CCDC171: variants seen among roughly 807,000 people sequenced by gnomAD.
CCDC171 encodes coiled-coil domain containing 171.
In CCDC171, 177 loss-of-function variants were observed where a neutral mutation model predicts 168.2. The ratio of observed to expected loss-of-function variants is 1.05; its 90% confidence interval spans 0.93 to 1.19. The LOEUF (loss-of-function observed/expected upper bound fraction) is 1.19, where lower values mean the gene tolerates loss of function less well. Ranked by LOEUF, CCDC171 falls within the 50% of genes most tolerant of loss-of-function variation. The pLI is 0.00. For synonymous variants in CCDC171, 687 were observed against 540.8 expected (o/e 1.27, Z -3.75); for missense variants, 1,991 against 1,539.0 (o/e 1.29, Z -4.91).
At chr9:15,936,519 T>G (rs1827139161) in intron 25 of CCDC171, among the ~76,000 whole-genome samples, 1 of 151,928 alleles carries the variant, frequency 6.6e-6, no homozygotes, top group African/African-American at 2.4e-5. Flanking sequence ...TTGAGGGGAC[T>G]CAGCAGAGAG....
At chr9:15,708,176 C>A (rs1372416230) in intron 11 of CCDC171, among the ~76,000 whole-genome samples, 1 of 152,204 alleles carries the variant, frequency 6.6e-6, no homozygotes, top group African/African-American at 2.4e-5. Context: ...TTTCTTCGTG[C>A]CTATGTTGTT....
Position 15,729,720 on chromosome 9 carries a change from G to GAGCT in CCDC171, c.1972_1975dup (p.Cys659Ter). 1 of 1,613,460 alleles carries GAGCT rather than the reference G, an allele frequency of 6.2e-7. No individual in the cohort carries two copies. The highest frequency in any genetic ancestry group is 1.3e-5 in the African/African-American group (1 of 74,976). On this transcript the variant is annotated frameshift_variant, in exon 16 of 26. Coordinates refer to ENST00000380701, the MANE Select transcript of CCDC171 (RefSeq NM_173550.4). LOFTEE classifies it high-confidence loss of function. ...TGGCAGAACAGATCAAAGCCCAAGA[G>GAGCT]AGCTGCTGGCACAGACAAAAGAAGG...
rs1831472931 is a variant in CCDC171, at chr9:15,972,775, C to T, written c.*939C>T. 6.6e-6 allele frequency: 1 copy of T among 152,156 alleles called. No individual in the cohort carries two copies. The highest frequency in any genetic ancestry group is 2.4e-5 in the African/African-American group (1 of 41,434). The allele number at this position is 152,156 out of a possible 1,614,324, so 9.4% of individuals were successfully genotyped here. ...AAACAAGGCCATTGCCCTGCATTTTCTGCCTTGTAGCACACAAAAGTAAAA... is the reference window on the plus strand; with the variant it reads ...AAACAAGGCCATTGCCCTGCATTTTTTGCCTTGTAGCACACAAAAGTAAAA... On this transcript the variant is annotated 3_prime_UTR_variant, in exon 26 of 26. Transcript: ENST00000380701.
At position 15,608,900 on chromosome 9, in the gene CCDC171, T is replaced by G. The variant is rs1017588943; in HGVS notation, c.676-14367T>G. ...TTTTGCCTGGGAGGTCAAGGCTGCA[T>G]TGTCCTATGATCACAGCCCGGGCTA... On this transcript the variant is annotated intron_variant, in intron 6 of 25. Transcript: ENST00000380701. Among the ~76,000 whole-genome samples, 177 of 132,806 alleles carry G rather than the reference T, an allele frequency of 1.3e-3. 1 individual carries two copies. The highest frequency in any genetic ancestry group is 4.9e-3 in the African/African-American group (172 of 35,384). The allele number at this position is 132,806 out of a possible 152,430, so 87.1% of individuals were successfully genotyped here. A position where few individuals can be genotyped will look rare whatever the true frequency, so the allele number is the denominator to read the frequency against.
chr9:15,765,356 C>T (rs762809299), intron 18 of CCDC171, among the ~76,000 whole-genome samples: 3 of 151,450 alleles, frequency 2.0e-5, no homozygotes, highest in East Asian at 1.9e-4. Context: ...AATGATTCAA[C>T]GAATGAAAGA....
At chr9:15,593,584 A>G (rs2042142857) in intron 5 of CCDC171, among the ~76,000 whole-genome samples, 1 of 152,084 alleles carries the variant, frequency 6.6e-6, no homozygotes, top group South Asian at 2.1e-4. Flanking sequence ...TGTCAAATTT[A>G]TATATAAATT....
Position 15,555,572 on chromosome 9 carries a change from T to C in CCDC171, c.-112+2270T>C, listed in dbSNP as rs1193297529. Among the ~76,000 whole-genome samples, 3 of 152,306 alleles carry C rather than the reference T, an allele frequency of 2.0e-5. No homozygotes were observed. The East Asian group carries it at 5.8e-4, about 29-fold the overall frequency. ...GGATGAACTGTGTCTTGAGGGCCAA[T>C]AGCAAGGCACACAGCAGAGCTCTGG... is the stretch of plus-strand genomic sequence containing the variant. On this transcript the variant is annotated intron_variant, in intron 1 of 25. Transcript: ENST00000380701.
At chr9:15,903,865 G>A (rs1471237526) in intron 24 of CCDC171, among the ~76,000 whole-genome samples, 1 of 152,108 alleles carries the variant, frequency 6.6e-6, no homozygotes, top group Non-Finnish European at 1.5e-5. Context: ...TGGCACGAGA[G>A]GTACGTGACG....
chr9:15,976,242 A>T (rs893274405), downstream of CCDC171, among the ~76,000 whole-genome samples: 1 of 152,198 alleles, frequency 6.6e-6, no homozygotes, highest in Non-Finnish European at 1.5e-5. Context: ...TAATTTTTTT[A>T]AAAGATTAAT....
Position 16,006,406 on chromosome 9 carries a change from C to A in CCDC171, n.369-14183C>A, listed in dbSNP as rs1832697134. On this transcript the variant is annotated intron_variant and non_coding_transcript_variant, in intron 3 of 9. Transcript: ENST00000486641. ...TATTCGTATATCTTTGAAGAAATGA[C>A]TATGCAGATTCTTTGCCCATTTTCT... Among the ~76,000 whole-genome samples the A allele has an allele frequency of 2.6e-5, 4 of 152,070 alleles. No individual in the cohort carries two copies. The South Asian group carries it at 8.3e-4, about 32-fold the overall frequency.
intron 21 of CCDC171, among the ~76,000 whole-genome samples, chr9:15,836,063 A>T (rs2060434031): frequency 6.6e-6 from 1 of 152,120 alleles, no homozygotes; most frequent in East Asian, 1.9e-4. Flanking sequence ...ATCTTCCCCC[A>T]ATGATCCAAT....
At chr9:15,919,579 A>G (rs897335490) in intron 24 of CCDC171, among the ~76,000 whole-genome samples, 3 of 151,614 alleles carry the variant, frequency 2.0e-5, no homozygotes, top group African/African-American at 7.2e-5. Flanking sequence ...TGGACTTAAA[A>G]TTTATTACAA....
intron 21 of CCDC171, among the ~76,000 whole-genome samples, chr9:15,814,581 A>G (rs1297687621): frequency 6.6e-6 from 1 of 151,958 alleles, no homozygotes; most frequent in African/African-American, 2.4e-5. Flanking sequence ...GGATTGAAAT[A>G]CAATTGTAGC....
intron 18 of CCDC171, among the ~76,000 whole-genome samples, chr9:15,774,624 G>C (rs969227434): frequency 1.3e-5 from 2 of 152,272 alleles, no homozygotes; most frequent in Non-Finnish European, 2.9e-5. Context: ...CAGAGGAAAA[G>C]ATGTCGTTAT....
At chr9:16,062,021 A>C (rs1833937808), downstream of CCDC171, among the ~76,000 whole-genome samples, 1 of 152,208 alleles carries the variant, frequency 6.6e-6, no homozygotes, top group Non-Finnish European at 1.5e-5. Context: ...AGGGAATACC[A>C]GGAATTGTAC....
intron 25 of CCDC171, among the ~76,000 whole-genome samples, chr9:15,954,659 A>C (rs1039058309): frequency 1.5e-5 from 2 of 136,596 alleles, no homozygotes; most frequent in East Asian, 2.5e-4. Context: ...TCCTGTTTTC[A>C]TGCTTGTTGA....
intron 11 of CCDC171, among the ~76,000 whole-genome samples, chr9:15,716,394 A>G (rs1008921807): frequency 6.6e-6 from 1 of 152,146 alleles, no homozygotes; most frequent in African/African-American, 2.4e-5. Flanking sequence ...GCCATACTGC[A>G]GTGATTAAAA....
At chr9:15,861,187 A>C (rs2061541528) in intron 23 of CCDC171, among the ~76,000 whole-genome samples, 1 of 146,942 alleles carries the variant, frequency 6.8e-6, no homozygotes, top group South Asian at 2.2e-4. Context: ...ATCTAAAATG[A>C]GTTTCTCATA....
chr9:15,697,606 G>GT (rs1470540440), intron 11 of CCDC171, among the ~76,000 whole-genome samples: 13 of 152,134 alleles, frequency 8.5e-5, no homozygotes, highest in African/African-American at 2.9e-4. Context: ...CGGCTTCCCA[G>GT]TATGTTTGAA....
Sources: allele counts gnomAD v4.1 joint callset (sites outside exome capture counted in the v4.1 genomes callset), GRCh38; gene constraint gnomAD v4.1.1; transcripts MANE v1.5; gene names NCBI Gene and HGNC (gene_info 2026-07-23, HGNC 2026-07-21).